Variants in PLXNC1 observed in about 807,000 individuals in gnomAD.
The protein encoded by PLXNC1 is plexin C1.
A neutral mutation model predicts 178.2 loss-of-function variants in PLXNC1; 75 were observed. That is an observed-to-expected ratio of 0.42 (90% confidence interval 0.35 to 0.51). The LOEUF is 0.51. Ranked by LOEUF, PLXNC1 falls within the 20% of genes least tolerant of loss-of-function variation. PLXNC1 has a pLI of 0.02. For synonymous variants in PLXNC1, 790 were observed against 779.9 expected, an observed-to-expected ratio of 1.01 and a Z score of -0.22; for missense variants, 1,503 against 1,984.4, an observed-to-expected ratio of 0.76 and a Z score of 4.61.
chr12:94,285,168 G>A (rs1037517165), intron 23 of PLXNC1, among the ~76,000 whole-genome samples: 14 of 152,206 alleles, frequency 9.2e-5, no homozygotes, highest in Non-Finnish European at 2.9e-5. Context: ...AGAGAAGACA[G>A]GAGGAGGAGC....
intron 23 of PLXNC1, among the ~76,000 whole-genome samples, chr12:94,291,330 C>T (rs893974459): frequency 1.3e-5 from 2 of 152,206 alleles, no homozygotes; most frequent in South Asian, 2.1e-4. Context: ...TGACCTCCCA[C>T]GCTCAAGCCA....
intron 9 of PLXNC1, among the ~76,000 whole-genome samples, chr12:94,237,072 G>T (rs1565823835): frequency 6.6e-6 from 1 of 152,156 alleles, no homozygotes; most frequent in African/African-American, 2.4e-5. Flanking sequence ...GGAGGTTGTG[G>T]TATCTACAAA....
At position 94,301,570 on chromosome 12, in the gene PLXNC1, A is replaced by C. The variant is rs187393144; in HGVS notation, c.4386+513A>C. Among the ~76,000 whole-genome samples, 38 of 152,342 alleles carry C rather than the reference A, an allele frequency of 2.5e-4. No individual in the cohort carries two copies. The East Asian group carries it at 5.6e-3, about 22-fold the overall frequency. Reference sequence around the variant, plus strand: ...ATCAATAGTCCCAAGAACTCAAAGAAAGACAAAAATCAGAGCAAACTTCGA... The same window carrying C: ...ATCAATAGTCCCAAGAACTCAAAGACAGACAAAAATCAGAGCAAACTTCGA... On this transcript the variant is annotated intron_variant, in intron 28 of 30. Coordinates refer to ENST00000258526, the MANE Select transcript of PLXNC1 (RefSeq NM_005761.3).
At chr12:94,152,362 T>C (rs1960992952) in intron 1 of PLXNC1, among the ~76,000 whole-genome samples, 1 of 152,226 alleles carries the variant, frequency 6.6e-6, no homozygotes, top group South Asian at 2.1e-4. Context: ...AAATATTTGT[T>C]TGATGCCTGC....
chr12:94,264,600 AC>A (rs1177747498), intron 20 of PLXNC1, among the ~76,000 whole-genome samples: 3 of 152,210 alleles, frequency 2.0e-5, no homozygotes, highest in Admixed American at 6.5e-5. Context: ...ACACCAAAAA[AC>A]ATTGTATTTG....
intron 1 of PLXNC1, among the ~76,000 whole-genome samples, chr12:94,159,469 G>A (rs1961296507): frequency 6.6e-6 from 1 of 152,158 alleles, no homozygotes; most frequent in Admixed American, 6.5e-5. Flanking sequence ...GCAGATCTGG[G>A]AAGAGCAGTG....
chr12:94,264,031 G>A (rs1430608321), intron 20 of PLXNC1, among the ~76,000 whole-genome samples: 1 of 151,968 alleles, frequency 6.6e-6, no homozygotes, highest in African/African-American at 2.4e-5. Context: ...CTTAACTGGC[G>A]CTTCGAGCCC....
chr12:94,166,000 G>A (rs1961593241), intron 1 of PLXNC1, among the ~76,000 whole-genome samples: 1 of 151,994 alleles, frequency 6.6e-6, no homozygotes, highest in African/African-American at 2.4e-5. Context: ...CCAGGACTGG[G>A]CCACATGACC....
intron 1 of PLXNC1, among the ~76,000 whole-genome samples, chr12:94,154,986 G>A (rs1268740951): frequency 1.3e-5 from 2 of 152,134 alleles, no homozygotes; most frequent in Non-Finnish European, 2.9e-5. Flanking sequence ...ACACTTTCTG[G>A]GAGTCTGGTC....
At chr12:94,236,584 C>T (rs1238621053) in intron 9 of PLXNC1, among the ~76,000 whole-genome samples, 1 of 152,186 alleles carries the variant, frequency 6.6e-6, no homozygotes, top group African/African-American at 2.4e-5. Flanking sequence ...TGTGATTAAG[C>T]ATCTCTGGAC....
At chr12:94,282,128 ACAAAG>A in intron 22 of PLXNC1, 165 bp from the exon 23 acceptor site, 2 of 529,512 alleles carry the variant, frequency 3.8e-6, no homozygotes, top group Non-Finnish European at 6.6e-6. Context: ...AAACAAACAA[ACAAAG>A]TAAAACAGAA....
At chr12:94,191,850 T>C (rs1334963569) in intron 4 of PLXNC1, among the ~76,000 whole-genome samples, 1 of 152,036 alleles carries the variant, frequency 6.6e-6, no homozygotes, top group African/African-American at 2.4e-5. Context: ...AAGTCTAGTA[T>C]TTTATTGTTG....
intron 11 of PLXNC1, 119 bp from the exon 12 acceptor site, chr12:94,243,819 T>A: frequency 2.1e-6 from 1 of 471,862 alleles, no homozygotes; most frequent in South Asian, 4.8e-5. Flanking sequence ...TTCATTAATT[T>A]GCTCTCAAAC....
chr12:94,177,187 G>GTA (rs200258571), intron 2 of PLXNC1, among the ~76,000 whole-genome samples: 33 of 107,412 alleles, frequency 3.1e-4, no homozygotes, highest in Middle Eastern at 9.3e-3. Context: ...GTATATATAT[G>GTA]TATATATATA....
chr12:94,203,988 T>C (rs1478614733), intron 4 of PLXNC1, among the ~76,000 whole-genome samples: 2 of 152,206 alleles, frequency 1.3e-5, no homozygotes, highest in East Asian at 3.8e-4. Context: ...GCCCTCGCTC[T>C]CTCTTGCTCT....
chr12:94,231,306 G>A (rs1444198148), intron 9 of PLXNC1, among the ~76,000 whole-genome samples: 1 of 152,122 alleles, frequency 6.6e-6, no homozygotes, highest in African/African-American at 2.4e-5. Context: ...AGGGGTAGGA[G>A]CCAGAAGATT....
At chr12:94,304,319 T>G (rs17243215) in intron 30 of PLXNC1, 37,058 of 331,744 alleles carry the variant, frequency 0.11, 2,421 homozygotes, top group Non-Finnish European at 0.13. Flanking sequence ...TCAAGTTAAC[T>G]TTGATGAGTA....
At chr12:94,278,522 A>C (rs1308050248) in intron 21 of PLXNC1, among the ~76,000 whole-genome samples, 1 of 152,218 alleles carries the variant, frequency 6.6e-6, no homozygotes, top group Non-Finnish European at 1.5e-5. Flanking sequence ...CTGCACTAGG[A>C]GAATGTTCAC....
At chr12:94,245,506 C>T (rs1038905228) in intron 12 of PLXNC1, among the ~76,000 whole-genome samples, 1 of 60,814 alleles carries the variant, frequency 1.6e-5, no homozygotes, top group Non-Finnish European at 5.3e-5. Context: ...CATAGTGAGA[C>T]CCCCATCTCT....
Sources: gnomAD v4.1 joint callset for allele counts (sites outside exome capture counted in the v4.1 genomes callset) on GRCh38, gnomAD v4.1.1 for gene constraint, MANE v1.5 for transcripts, NCBI Gene and HGNC (gene_info 2026-07-23, HGNC 2026-07-21) for gene names.